Variants in CLVS2 observed in about 807,000 individuals in gnomAD.
CLVS2 encodes clavesin 2.
In CLVS2, 19 loss-of-function variants were observed where a neutral mutation model predicts 29.0. The ratio of observed to expected loss-of-function variants is 0.66; its 90% confidence interval spans 0.46 to 0.96. The LOEUF (loss-of-function observed/expected upper bound fraction) is 0.96. Ranked by LOEUF, CLVS2 falls within the 40% of genes least tolerant of loss-of-function variation. CLVS2 has a pLI of 0.00. For synonymous variants in CLVS2, 161 were observed against 151.3 expected (o/e 1.06, Z -0.47); for missense variants, 294 against 404.1 (o/e 0.73, Z 2.34).
chr6:123,005,473 A>G (rs1395538237), intron 2 of CLVS2, among the ~76,000 whole-genome samples: 3 of 152,196 alleles, frequency 2.0e-5, no homozygotes, highest in Non-Finnish European at 2.9e-5. Flanking sequence ...TGATTTAGTG[A>G]CAAAGAGAAA....
At chr6:123,020,272 A>G (rs910285966) in intron 3 of CLVS2, among the ~76,000 whole-genome samples, 24 of 152,118 alleles carry the variant, frequency 1.6e-4, no homozygotes, top group African/African-American at 5.8e-4. Flanking sequence ...AGAGTATCCC[A>G]GATCTTAAAA....
At chr6:123,008,815 G>A (rs1774708255) in intron 2 of CLVS2, among the ~76,000 whole-genome samples, 1 of 151,884 alleles carries the variant, frequency 6.6e-6, no homozygotes, top group Admixed American at 6.6e-5. Flanking sequence ...AATGGAGGTA[G>A]GCCAGCCATA....
intron 4 of CLVS2, among the ~76,000 whole-genome samples, chr6:123,049,814 G>GC (rs886405458): frequency 2.0e-5 from 3 of 150,402 alleles, no homozygotes; most frequent in Non-Finnish European, 4.4e-5. Flanking sequence ...TGGGGGGCGG[G>GC]GAGGAATAGC....
At chr6:123,056,533 A>G (rs890099293) in intron 5 of CLVS2, among the ~76,000 whole-genome samples, 7 of 152,196 alleles carry the variant, frequency 4.6e-5, no homozygotes, top group Non-Finnish European at 1.0e-4. Flanking sequence ...CAATTAAGGA[A>G]AAGATAAAGT....
chr6:122,997,567 A>G lies in CLVS2; in HGVS notation c.-211A>G. 3.3e-6 allele frequency: 2 copies of G among 602,042 alleles called. No individual in the cohort carries two copies. Among genetic ancestry groups the G allele is most frequent in the Non-Finnish European group, 6.0e-6 (2 of 334,162 alleles). 37.3% of individuals were successfully genotyped at this position (602,042 alleles called of 1,614,324 possible). A position where few individuals can be genotyped will look rare whatever the true frequency, so the allele number is the denominator to read the frequency against. On this transcript the variant is annotated 5_prime_UTR_variant, in exon 2 of 6. Coordinates refer to ENST00000275162, the MANE Select transcript of CLVS2 (RefSeq NM_001010852.4). The stretch of plus-strand genomic sequence containing the variant: ...TTGTATTTTAGGGGGCAGAGGAAGA[A>G]GTTTACACCCCCCGGCCCCCCCAGC...
In CLVS2 at chr6:123,066,660, AT is replaced by A. The variant is rs1350323223; in HGVS notation, c.*2904del. ...TATGTTGTCAGTGATGTTTGCCTGC[AT>A]TTTTGACTACTATTTAAGAGGGAAG... On this transcript the variant is annotated 3_prime_UTR_variant, in exon 6 of 6. Transcript: ENST00000275162. The A allele has an allele frequency of 6.6e-6, 1 of 151,702 alleles. No individual in the cohort carries two copies. The allele number at this position is 151,702 out of a possible 1,614,324, so 9.4% of individuals were successfully genotyped here.
At chr6:123,050,176 A>G (rs1772583793) in intron 4 of CLVS2, among the ~76,000 whole-genome samples, 1 of 152,190 alleles carries the variant, frequency 6.6e-6, no homozygotes, top group Non-Finnish European at 1.5e-5. Context: ...ACCACCAAGT[A>G]TTAAATTAAT....
chr6:123,009,648 G>C (rs1188644630), intron 2 of CLVS2, among the ~76,000 whole-genome samples: 2 of 151,922 alleles, frequency 1.3e-5, no homozygotes, highest in Non-Finnish European at 2.9e-5. Context: ...TCTTCCCTGA[G>C]GTCCAGATCT....
At chr6:123,003,482 A>T (rs1774620240) in intron 2 of CLVS2, among the ~76,000 whole-genome samples, 1 of 152,200 alleles carries the variant, frequency 6.6e-6, no homozygotes, top group South Asian at 2.1e-4. Context: ...TGGCTATTAC[A>T]CTATTATCGT....
At chr6:123,050,220 G>T (rs1429827743) in intron 4 of CLVS2, among the ~76,000 whole-genome samples, 1 of 152,084 alleles carries the variant, frequency 6.6e-6, no homozygotes, top group East Asian at 1.9e-4. Flanking sequence ...TTATTGAAAT[G>T]CCTCACAAGT....
At position 122,997,512 on chromosome 6, in the gene CLVS2, G is replaced by T. The variant is rs1774525966; in HGVS notation, c.-266G>T. 10 of 518,396 alleles carry T rather than the reference G, an allele frequency of 1.9e-5. No individual in the cohort carries two copies. In the Admixed American group the frequency reaches 3.5e-4, roughly 18 times the overall value. 32.1% of individuals were successfully genotyped at this position (518,396 alleles called of 1,614,324 possible). ...CTTCAGGGGTTCACATCTCTTTAAA[G>T]GAAAGGAAAGAGGGAGCCAAAGTAG... On this transcript the variant is annotated 5_prime_UTR_variant, in exon 2 of 6. In the 5' UTR this introduces an upstream ATG that the reference lacks. Coordinates refer to ENST00000275162, the MANE Select transcript of CLVS2 (RefSeq NM_001010852.4).
chr6:123,035,697 G>A (rs1775143989), intron 3 of CLVS2, among the ~76,000 whole-genome samples: 1 of 152,014 alleles, frequency 6.6e-6, no homozygotes, highest in Admixed American at 6.6e-5. Context: ...TCTAGTGTCA[G>A]AATTGCTTTG....
chr6:123,030,817 G>GAATATATATATATATATAA (rs1291487323), intron 3 of CLVS2, among the ~76,000 whole-genome samples: 3 of 135,368 alleles, frequency 2.2e-5, no homozygotes, highest in Non-Finnish European at 4.7e-5. Context: ...TTAGTAAGGA[G>GAATATATATATATATATAA]AATATATATA....
chr6:123,050,019 T>G (rs1188709269), intron 4 of CLVS2, among the ~76,000 whole-genome samples: 1 of 152,190 alleles, frequency 6.6e-6, no homozygotes, highest in Non-Finnish European at 1.5e-5. Flanking sequence ...TAAGTGAATT[T>G]GCGCTCCTGA....
In CLVS2 at chr6:123,055,429, G is replaced by A. The variant is rs981045916; in HGVS notation, c.676-377G>A. 2.6e-5 allele frequency among the ~76,000 whole-genome samples: 4 copies of A among 152,288 alleles called. No homozygotes were observed. The East Asian group carries it at 7.7e-4, about 29-fold the overall frequency. ...CTTATGAGAAGGGTCTGTTTTCACA[G>A]CATTCATTATACACATCATCAAGTT... On this transcript the variant is annotated intron_variant, in intron 4 of 5. Transcript: ENST00000275162.
rs376612727 is a variant in CLVS2, at chr6:123,048,784, A to G, written c.675+52A>G. On this transcript the variant is annotated intron_variant, in intron 4 of 5. Coordinates refer to ENST00000275162, the MANE Select transcript of CLVS2 (RefSeq NM_001010852.4). ...TTTCTCTTCCGCCATCCAATGAATT[A>G]TAATGCATAATGTGTATATAATGTT... 3.8e-5 allele frequency: 40 copies of G among 1,050,664 alleles called. No homozygotes were observed. The African/African-American group carries it at 5.8e-4, about 15-fold the overall frequency. The allele number at this position is 1,050,664 out of a possible 1,614,324, so 65.1% of individuals were successfully genotyped here. A position where few individuals can be genotyped will look rare whatever the true frequency, so the allele number is the denominator to read the frequency against.
intron 5 of CLVS2, among the ~76,000 whole-genome samples, chr6:123,058,656 T>C (rs1033475497): frequency 2.0e-5 from 3 of 152,142 alleles, no homozygotes; most frequent in African/African-American, 7.2e-5. Flanking sequence ...TTTATTTTTA[T>C]TTTTGTTTTT....
chr6:123,040,771 A>AAAGAAAAGAAAAGAC (rs1775218061), intron 3 of CLVS2, among the ~76,000 whole-genome samples: 1 of 143,434 alleles, frequency 7.0e-6, no homozygotes. Flanking sequence ...CCGTCTCAAA[A>AAAGAAAAGAAAAGAC]AAGAAAAGAA....
At position 123,055,953 on chromosome 6, in the gene CLVS2, G is replaced by A. The variant is rs540970659; in HGVS notation, c.823G>A (p.Glu275Lys). The A allele has an allele frequency of 1.9e-6, 3 of 1,614,014 alleles. No homozygotes were observed. Among genetic ancestry groups the A allele is most frequent in the East Asian group, 2.2e-5 (1 of 44,842 alleles). Reference protein sequence around the residue: ...LLDHEYDDDSEYNVDSYSMPV... With the variant: ...LLDHEYDDDSKYNVDSYSMPV... ...AGACCATGAATATGACGATGACAGCGAGTACAATGTAGACTCCTACAGCAT... is the reference window on the plus strand; with the variant it reads ...AGACCATGAATATGACGATGACAGCAAGTACAATGTAGACTCCTACAGCAT... Residue 275 changes from glutamate to lysine, a missense_variant, in exon 5 of 6, where the codon GAG becomes AAG. By Grantham distance (56) the Glu-to-Lys change is moderately conservative. Around this residue, in one of 2 missense-constraint regions of CLVS2, gnomAD observed 82 missense variants for 67.8 expected, o/e 1.21. Transcript: ENST00000275162.
Sources: gnomAD v4.1 joint callset for allele counts (sites outside exome capture counted in the v4.1 genomes callset) on GRCh38, gnomAD v4.1.1 for gene constraint, gnomAD v4.1.1 regional missense constraint, MANE v1.5 for transcripts, NCBI Gene and HGNC (gene_info 2026-07-23, HGNC 2026-07-21) for gene names.